The following SHANK2 variants were observed in gnomAD, a reference collection of about 807,000 sequenced individuals.
SHANK2 encodes the protein SH3 and multiple ankyrin repeat domains protein 2.
SHANK2 carries 43 observed loss-of-function variants against 133.7 expected under a neutral mutation model. That is an observed-to-expected ratio of 0.32 (90% confidence interval 0.25 to 0.41). The LOEUF is 0.41. Ranked by LOEUF, SHANK2 falls within the 10% of genes least tolerant of loss-of-function variation. SHANK2 has a pLI of 1.00. For missense variants in SHANK2, 1,994 were observed against 2,235.8 expected, an observed-to-expected ratio of 0.89 and a Z score of 2.18; for synonymous variants, 1,017 against 952.8, an observed-to-expected ratio of 1.07 and a Z score of -1.24.
chr11:70,933,717 C>A (rs1158963629), intron 10 of SHANK2, among the ~76,000 whole-genome samples: 1 of 151,560 alleles, frequency 6.6e-6, no homozygotes, highest in East Asian at 1.9e-4. Context: ...GTCAGGAGTT[C>A]AAGACCAGCC....
intron 17 of SHANK2, among the ~76,000 whole-genome samples, chr11:70,659,364 A>G (rs2061451615): frequency 6.6e-6 from 1 of 152,140 alleles, no homozygotes; most frequent in Non-Finnish European, 1.5e-5. Context: ...TGGTTACCAC[A>G]ACCTGCAAAT....
intron 25 of SHANK2, among the ~76,000 whole-genome samples, chr11:70,482,621 G>A (rs1167402300): frequency 2.0e-5 from 3 of 152,226 alleles, no homozygotes; most frequent in Non-Finnish European, 2.9e-5. Flanking sequence ...TGGCTCAGGG[G>A]TGCCGTGGAA....
At chr11:70,521,461 G>A (rs144006973) in intron 17 of SHANK2, among the ~76,000 whole-genome samples, 1 of 152,094 alleles carries the variant, frequency 6.6e-6, no homozygotes, top group Admixed American at 6.5e-5. Context: ...AATTTTGACT[G>A]TTTTACAATT....
At chr11:70,811,860 C>A (rs1590710452) in intron 12 of SHANK2, among the ~76,000 whole-genome samples, 1 of 152,222 alleles carries the variant, frequency 6.6e-6, no homozygotes, top group East Asian at 1.9e-4. Flanking sequence ...ATCCACCCAT[C>A]CATCTTATCA....
chr11:70,497,642 G>T (rs1275390724), intron 21 of SHANK2, among the ~76,000 whole-genome samples: 1 of 152,234 alleles, frequency 6.6e-6, no homozygotes, highest in Non-Finnish European at 1.5e-5. Flanking sequence ...CCCAGCCCAT[G>T]AGCTGACTCT....
chr11:70,506,229 A>G (rs1273620631), intron 17 of SHANK2, among the ~76,000 whole-genome samples: 2 of 151,994 alleles, frequency 1.3e-5, no homozygotes, highest in Admixed American at 6.5e-5. Context: ...ACCTCCACAC[A>G]CTCATGCTGC....
At chr11:70,734,093 G>A (rs533989954) in intron 14 of SHANK2, among the ~76,000 whole-genome samples, 1 of 152,202 alleles carries the variant, frequency 6.6e-6, no homozygotes, top group Non-Finnish European at 1.5e-5. Context: ...GCAGGGAGGG[G>A]GCAGGAGGCA....
intron 14 of SHANK2, among the ~76,000 whole-genome samples, chr11:70,767,085 CAGATGAG>C (rs1947138557): frequency 6.6e-6 from 1 of 152,142 alleles, no homozygotes; most frequent in African/African-American, 2.4e-5. Flanking sequence ...AGTGGGGACA[CAGATGAG>C]AGAAGTGAAA....
rs199530657 is a variant in SHANK2 at position 70,486,167 on chromosome 11, C to T, written c.4126G>A (p.Val1376Ile). ...GCCTCTTCCATGGAGCCCACCGCGA[C>T]GATGGTTCTGCCGGGCACGGTGGTG... ...EPTTVPGRTI[V>I]AVGSMEEAVI... Residue 1376 changes from valine (V) to isoleucine (I), a missense_variant, in exon 25 of 26, where the codon GTC (valine) becomes ATC (isoleucine). Around this residue, in one of 5 missense-constraint regions of SHANK2, gnomAD observed 797 missense variants for 907.4 expected, o/e 0.88. Transcript: ENST00000601538. The surrounding 1 kb of genome is among the most constrained non-coding windows in gnomAD (Gnocchi z 8.0). The T allele has an allele frequency of 4.3e-5, 69 of 1,613,668 alleles. No individual in the cohort carries two copies. In the Middle Eastern group the frequency reaches 8.2e-4, roughly 19 times the overall value.
At chr11:70,651,464 A>T (rs1420611192) in intron 17 of SHANK2, among the ~76,000 whole-genome samples, 1 of 152,164 alleles carries the variant, frequency 6.6e-6, no homozygotes, top group Non-Finnish European at 1.5e-5. Context: ...CCTCCCCGCC[A>T]TCCAGGGCTC....
chr11:71,090,623 C>CTG (rs1491373146), intron 8 of SHANK2, among the ~76,000 whole-genome samples: 3 of 96,410 alleles, frequency 3.1e-5, no homozygotes, highest in Admixed American at 9.9e-5. Context: ...GAAACACAAC[C>CTG]TCTGTGTGTG....
intron 3 of SHANK2, among the ~76,000 whole-genome samples, chr11:71,120,734 C>A (rs374313357): frequency 2.2e-4 from 33 of 152,198 alleles, no homozygotes; most frequent in East Asian, 2.1e-3. Context: ...TCTCTGGAAA[C>A]TCCTGGCACA....
intron 11 of SHANK2, among the ~76,000 whole-genome samples, chr11:70,845,198 CAAAAAAAAAAAAA>C (rs782471301): frequency 5.8e-5 from 3 of 51,694 alleles, no homozygotes; most frequent in Non-Finnish European, 7.6e-5. Flanking sequence ...GACTCTGTCT[CAAAAAAAAAAAAA>C]AAAAAAAAGA....
chr11:70,662,340 T>C (rs1338942208), intron 15 of SHANK2: 1 of 162,712 alleles, frequency 6.1e-6, no homozygotes, highest in Non-Finnish European at 1.3e-5. Context: ...CCCACAATCA[T>C]CTGACGAGCC....
intron 10 of SHANK2, chr11:70,952,932 C>G (rs1950866770): frequency 4.6e-6 from 1 of 216,890 alleles, no homozygotes; most frequent in African/African-American, 2.3e-5. Flanking sequence ...GAGGTGTCAT[C>G]AGGGCCATGT....
chr11:71,076,336 TTC>T (rs1951219278), intron 8 of SHANK2, among the ~76,000 whole-genome samples: 5 of 151,574 alleles, frequency 3.3e-5, no homozygotes, highest in African/African-American at 9.7e-5. Flanking sequence ...CAGGAAGGGG[TTC>T]TCATGAATCC....
At chr11:71,061,971 CTTTTTT>C (rs1216736346) in intron 9 of SHANK2, among the ~76,000 whole-genome samples, 5 of 109,554 alleles carry the variant, frequency 4.6e-5, no homozygotes, top group African/African-American at 1.0e-4. Flanking sequence ...GTCTTTCTTT[CTTTTTT>C]TTTTTTTTTT....
At chr11:71,193,413 C>T (rs573154918) in intron 2 of SHANK2, among the ~76,000 whole-genome samples, 6 of 152,210 alleles carry the variant, frequency 3.9e-5, no homozygotes, top group Non-Finnish European at 7.3e-5. Flanking sequence ...GGCTCCACTA[C>T]GATCAGCAGA....
At chr11:71,168,722 G>A (rs1555111657) in intron 2 of SHANK2, among the ~76,000 whole-genome samples, 3 of 152,168 alleles carry the variant, frequency 2.0e-5, no homozygotes, top group Non-Finnish European at 4.4e-5. Context: ...GCAGTCAGCA[G>A]GCTGAGGCAG....
Sources: gnomAD v4.1 joint callset for allele counts (sites outside exome capture counted in the v4.1 genomes callset) on GRCh38, gnomAD v4.1.1 for gene constraint, gnomAD v4.1.1 regional missense constraint, Gnocchi (gnomAD v3.1) non-coding constraint, MANE v1.5 for transcripts, NCBI Gene and HGNC (gene_info 2026-07-23, HGNC 2026-07-21) for gene names.